Variants in UBA6 observed in about 807,000 individuals in gnomAD.
The protein encoded by UBA6 is ubiquitin like modifier activating enzyme 6.
A neutral mutation model predicts 148.3 loss-of-function variants in UBA6; 87 were observed. That is an observed-to-expected ratio of 0.59 (90% CI 0.49 to 0.70). The LOEUF (loss-of-function observed/expected upper bound fraction) is 0.70, where lower values mean the gene tolerates loss of function less well. Ranked by LOEUF, UBA6 falls within the 30% of genes least tolerant of loss-of-function variation. The probability of loss-of-function intolerance (pLI) is 0.00; values close to 1 mark genes in which losing one functional copy is unlikely to be tolerated. For missense variants in UBA6, 1,186 were observed against 1,241.2 expected, an observed-to-expected ratio of 0.96 and a Z score of 0.67; for synonymous variants, 376 against 401.0, an observed-to-expected ratio of 0.94 and a Z score of 0.75.
At chr4:67,700,388 A>G (rs1730948947) in intron 1 of UBA6, among the ~76,000 whole-genome samples, 1 of 152,228 alleles carries the variant, frequency 6.6e-6, no homozygotes, top group Non-Finnish European at 1.5e-5. Context: ...AGATGATTGA[A>G]AGAGGAACTA....
intron 13 of UBA6, among the ~76,000 whole-genome samples, chr4:67,659,142 T>C (rs776657620): frequency 6.6e-6 from 1 of 152,244 alleles, no homozygotes; most frequent in African/African-American, 2.4e-5. Context: ...CAAAGCACTA[T>C]ATATGCAATA....
rs33997749 is a variant in UBA6, at chr4:67,676,899, G to GAA, written c.465+710_465+711dup. ...TGGATCACAGCATAATTTACTCACA[G>GAA]AAAAAAAAAAAAAAATCAGGGTCAA... On this transcript the variant is annotated intron_variant, in intron 6 of 32. Transcript: ENST00000322244. Among the ~76,000 whole-genome samples, 640 of 128,122 alleles carry GAA rather than the reference G, an allele frequency of 5.0e-3. 1 individual carries two copies. Among genetic ancestry groups the GAA allele is most frequent in the South Asian group, 0.012 (49 of 4,138 alleles). The allele number at this position is 128,122 out of a possible 152,430, so 84.1% of individuals were successfully genotyped here. A position where few individuals can be genotyped will look rare whatever the true frequency, so the allele number is the denominator to read the frequency against.
At chr4:67,661,392 C>G (rs991356688) in intron 13 of UBA6, among the ~76,000 whole-genome samples, 1 of 152,148 alleles carries the variant, frequency 6.6e-6, no homozygotes, top group Admixed American at 6.5e-5. Flanking sequence ...CTCATGAGAT[C>G]TGATGGTTTT....
chr4:67,683,914 A>G (rs903049044), intron 2 of UBA6, among the ~76,000 whole-genome samples: 22 of 152,064 alleles, frequency 1.4e-4, no homozygotes, highest in African/African-American at 5.3e-4. Flanking sequence ...CTCTATAAAA[A>G]CTACAAAAAT....
intron 7 of UBA6, among the ~76,000 whole-genome samples, chr4:67,673,345 G>A (rs1730195300): frequency 6.6e-6 from 1 of 151,420 alleles, no homozygotes; most frequent in Non-Finnish European, 1.5e-5. Flanking sequence ...GAACCCGGGA[G>A]GCGGAGGTTG....
At position 67,618,852 on chromosome 4, in the gene UBA6, C is replaced by T; in HGVS notation, c.*145G>A. 2.6e-6 allele frequency: 2 copies of T among 767,128 alleles called. No individual in the cohort carries two copies. The highest frequency in any genetic ancestry group is 4.1e-6 in the Non-Finnish European group (2 of 490,094). 47.5% of individuals were successfully genotyped at this position (767,128 alleles called of 1,614,324 possible). A position where few individuals can be genotyped will look rare whatever the true frequency, so the allele number is the denominator to read the frequency against. Reference sequence around the variant, plus strand: ...CAAAATGTTTTATAATTCTTCAGTGCAGTTTCTTACTGATGTTTCCCTTAA... The same window carrying T: ...CAAAATGTTTTATAATTCTTCAGTGTAGTTTCTTACTGATGTTTCCCTTAA... On this transcript the variant is annotated 3_prime_UTR_variant, in exon 33 of 33. Coordinates refer to ENST00000322244, the MANE Select transcript of UBA6 (RefSeq NM_018227.6).
In UBA6 at chr4:67,662,211, A is replaced by C; in HGVS notation, c.1082T>G (p.Ile361Arg). Residue 361 changes from isoleucine to arginine, a missense_variant, in exon 13 of 33, where the codon ATA becomes AGA. Transcript: ENST00000322244. ...SEELLKLATSISETLEEKPDV... is the reference protein window; with the variant it reads ...SEELLKLATSRSETLEEKPDV... ...CACCTTCTCTTCCAAGGTTTCACTT[A>C]TAGATGTTGCTAGTTTCAACAGTTC... 1 of 1,613,694 alleles carries C rather than the reference A, an allele frequency of 6.2e-7. No homozygotes were observed. Among genetic ancestry groups the C allele is most frequent in the South Asian group, 1.1e-5 (1 of 91,054 alleles).
chr4:67,670,149 G>T (rs1048817482), intron 8 of UBA6, among the ~76,000 whole-genome samples: 1 of 152,028 alleles, frequency 6.6e-6, no homozygotes, highest in Non-Finnish European at 1.5e-5. Flanking sequence ...TCACCATGTT[G>T]CCCAGGTTGG....
chr4:67,649,102 G>C lies in UBA6; in HGVS notation c.1214C>G (p.Ala405Gly). The change falls in exon 14 of 33, where the codon GCT becomes GGT. Residue 405 changes from alanine (A) to glycine (G), a missense_variant. By Grantham distance (60) the Ala-to-Gly change is moderately conservative. Transcript: ENST00000322244. The part of the protein sequence containing the change: ...GGVASQEVLK[A>G]VTGKFSPLCQ... ...CAAAGGAGAAAATTTTCCTGTTACAGCTTTCAATACTTCTTGGCTGGCAAC... is the reference window on the plus strand; with the variant it reads ...CAAAGGAGAAAATTTTCCTGTTACACCTTTCAATACTTCTTGGCTGGCAAC... 6 of 1,613,900 alleles carry C rather than the reference G, an allele frequency of 3.7e-6. No homozygotes were observed. Among genetic ancestry groups the C allele is most frequent in the Non-Finnish European group, 5.1e-6 (6 of 1,179,900 alleles).
intron 7 of UBA6, among the ~76,000 whole-genome samples, chr4:67,672,191 G>C (rs1730165234): frequency 6.6e-6 from 1 of 151,902 alleles, no homozygotes; most frequent in African/African-American, 2.4e-5. Context: ...ATACTCTTTT[G>C]AATTATTGAG....
At chr4:67,642,711 C>CT (rs1486898671) in intron 17 of UBA6, among the ~76,000 whole-genome samples, 1 of 151,894 alleles carries the variant, frequency 6.6e-6, no homozygotes, top group African/African-American at 2.4e-5. Context: ...TATGCAATCT[C>CT]TTTTTTTAAT....
intron 26 of UBA6, among the ~76,000 whole-genome samples, chr4:67,629,668 C>T (rs1728951420): frequency 6.6e-6 from 1 of 151,994 alleles, no homozygotes; most frequent in Non-Finnish European, 1.5e-5. Context: ...AAGGCTGAGA[C>T]TTAGTGCTTT....
intron 1 of UBA6, among the ~76,000 whole-genome samples, chr4:67,698,866 G>T (rs932080925): frequency 1.3e-5 from 2 of 151,928 alleles, no homozygotes; most frequent in African/African-American, 4.8e-5. Context: ...AGGCTGAGGT[G>T]GGAGAATCGC....
At chr4:67,673,407 C>T (rs1730197488) in intron 7 of UBA6, among the ~76,000 whole-genome samples, 1 of 135,688 alleles carries the variant, frequency 7.4e-6, no homozygotes, top group South Asian at 2.4e-4. Context: ...TAGAATGAGA[C>T]TCTGTCTCGG....
In UBA6 at chr4:67,682,197, G is replaced by T. The variant is rs763646492; in HGVS notation, c.151C>A (p.Leu51Ile). Residue 51 changes from leucine to isoleucine, a missense_variant, in exon 3 of 33, where the codon CTT becomes ATT. Coordinates refer to ENST00000322244, the MANE Select transcript of UBA6 (RefSeq NM_018227.6). ...DALYSRQRYV[L>I]GDTAMQKMAK... Reference sequence around the variant, plus strand: ...ATCTTCTGCATTGCTGTGTCTCCAAGAACGTACCTCTGTCGACTACACGGA... The same window carrying T: ...ATCTTCTGCATTGCTGTGTCTCCAATAACGTACCTCTGTCGACTACACGGA... The T allele has an allele frequency of 1.1e-5, 18 of 1,613,504 alleles. No individual in the cohort carries two copies. The highest frequency in any genetic ancestry group is 6.7e-5 in the Admixed American group (4 of 59,990).
At chr4:67,682,341 C>T (rs1372708435) in intron 2 of UBA6, 128 bp from the exon 3 acceptor site, 2 of 666,052 alleles carry the variant, frequency 3.0e-6, no homozygotes, top group Middle Eastern at 3.4e-4. Flanking sequence ...ATGATTTGCA[C>T]AGTGTTTAAA....
intron 16 of UBA6, among the ~76,000 whole-genome samples, chr4:67,645,197 T>C (rs114650779): frequency 2.6e-3 from 398 of 152,268 alleles, no homozygotes; most frequent in Non-Finnish European, 4.6e-3. Context: ...TTAATAAGAA[T>C]AAGCAGTAAT....
At chr4:67,682,039 A>G (rs777138114) in intron 3 of UBA6, 80 bp downstream of exon 3, 15 of 1,049,904 alleles carry the variant, frequency 1.4e-5, no homozygotes, top group Non-Finnish European at 4.4e-6. Flanking sequence ...TATAGGAAAT[A>G]TAAGGGGATG....
intron 6 of UBA6, among the ~76,000 whole-genome samples, chr4:67,676,821 G>A (rs1314447512): frequency 6.6e-6 from 1 of 151,682 alleles, no homozygotes; most frequent in Non-Finnish European, 1.5e-5. Flanking sequence ...CTTTGTAGCA[G>A]GATGAATTTT....
Sources: allele counts gnomAD v4.1 joint callset (sites outside exome capture counted in the v4.1 genomes callset), GRCh38; gene constraint gnomAD v4.1.1; transcripts MANE v1.5; gene names NCBI Gene and HGNC (gene_info 2026-07-23, HGNC 2026-07-21).